The following STXBP5L variants were observed in gnomAD, a reference collection of about 807,000 sequenced individuals.
STXBP5L encodes the protein syntaxin-binding protein 5-like.
In STXBP5L, 65 loss-of-function variants were observed where a neutral mutation model predicts 144.5. That is an observed-to-expected ratio of 0.45 (90% CI 0.37 to 0.55). The LOEUF (loss-of-function observed/expected upper bound fraction) is 0.55, where lower values mean the gene tolerates loss of function less well. STXBP5L is among the 20% of genes least tolerant of loss of function. The pLI, the probability that STXBP5L is intolerant of heterozygous loss-of-function variation, is 0.00. For missense variants in STXBP5L, 1,298 were observed against 1,405.5 expected (o/e 0.92, Z 1.22); for synonymous variants, 505 against 469.6 (o/e 1.08, Z -0.97).
intron 15 of STXBP5L, among the ~76,000 whole-genome samples, chr3:121,253,568 C>G (rs2108369643): frequency 6.9e-6 from 1 of 144,206 alleles, no homozygotes; most frequent in South Asian, 2.1e-4. Context: ...TTTTATTCAG[C>G]TTTTGCAAAT....
chr3:121,320,616 T>G (rs556094551), intron 20 of STXBP5L, among the ~76,000 whole-genome samples: 1 of 152,194 alleles, frequency 6.6e-6, no homozygotes, highest in Admixed American at 6.6e-5. Flanking sequence ...AGATATGCTG[T>G]TTTTAGCCCT....
intron 7 of STXBP5L, among the ~76,000 whole-genome samples, chr3:121,142,118 T>C (rs2045533350): frequency 1.3e-5 from 2 of 152,074 alleles, no homozygotes; most frequent in African/African-American, 4.8e-5. Flanking sequence ...GAGGGATGGC[T>C]ATTATTATTG....
At chr3:121,374,705 C>T (rs1560034057) in intron 20 of STXBP5L, among the ~76,000 whole-genome samples, 2 of 151,690 alleles carry the variant, frequency 1.3e-5, no homozygotes, top group South Asian at 4.2e-4. Flanking sequence ...CTAGGCCAAG[C>T]AGAAGAAAGA....
At chr3:121,084,034 C>T (rs2042375276) in intron 5 of STXBP5L, among the ~76,000 whole-genome samples, 1 of 151,818 alleles carries the variant, frequency 6.6e-6, no homozygotes, top group African/African-American at 2.4e-5. Flanking sequence ...AAGGAAACTG[C>T]TTTGTCATTC....
intron 5 of STXBP5L, among the ~76,000 whole-genome samples, chr3:121,098,145 G>GT (rs2043225326): frequency 6.6e-6 from 1 of 152,132 alleles, no homozygotes; most frequent in East Asian, 1.9e-4. Flanking sequence ...ATCTTGATAT[G>GT]TTTTTTAGAG....
intron 11 of STXBP5L, among the ~76,000 whole-genome samples, chr3:121,231,266 C>G (rs537079438): frequency 1.3e-5 from 2 of 152,214 alleles, no homozygotes; most frequent in African/African-American, 4.8e-5. Flanking sequence ...CCAAGAGCCA[C>G]AGCAAGCAGC....
intron 19 of STXBP5L, among the ~76,000 whole-genome samples, chr3:121,317,508 G>C (rs2043825005): frequency 6.6e-6 from 1 of 152,176 alleles, no homozygotes; most frequent in Admixed American, 6.5e-5. Context: ...ATAAAGAAGA[G>C]GGTGATGGGA....
chr3:121,242,221 AG>A (rs1168738063), intron 14 of STXBP5L, among the ~76,000 whole-genome samples: 3 of 152,188 alleles, frequency 2.0e-5, no homozygotes, highest in African/African-American at 7.2e-5. Context: ...CAATAATAAA[AG>A]TATGGATAAA....
chr3:121,404,388 A>C (rs1279572116), intron 22 of STXBP5L, among the ~76,000 whole-genome samples: 1 of 152,034 alleles, frequency 6.6e-6, no homozygotes, highest in Non-Finnish European at 1.5e-5. Context: ...ACACTAATAC[A>C]CTAACCTCTT....
chr3:121,060,679 C>T (rs1401613888), intron 5 of STXBP5L, among the ~76,000 whole-genome samples: 1 of 152,192 alleles, frequency 6.6e-6, no homozygotes, highest in Non-Finnish European at 1.5e-5. Context: ...AGGGATTCGA[C>T]TTCTTCCTAG....
At chr3:121,215,619 C>A (rs949469835) in intron 10 of STXBP5L, among the ~76,000 whole-genome samples, 1 of 152,186 alleles carries the variant, frequency 6.6e-6, no homozygotes, top group East Asian at 1.9e-4. Context: ...ACCTTTCTCT[C>A]TGGCTGCCCT....
chr3:121,137,904 A>G (rs185582898), intron 7 of STXBP5L, among the ~76,000 whole-genome samples: 24 of 152,280 alleles, frequency 1.6e-4, no homozygotes, highest in African/African-American at 5.1e-4. Flanking sequence ...AGTCCTATAC[A>G]ACATAATACT....
chr3:121,395,680 T>C (rs2046710500), intron 22 of STXBP5L, among the ~76,000 whole-genome samples: 1 of 152,242 alleles, frequency 6.6e-6, no homozygotes, highest in Non-Finnish European at 1.5e-5. Flanking sequence ...AGTATAATTG[T>C]TCTCTGTGTC....
intron 20 of STXBP5L, among the ~76,000 whole-genome samples, chr3:121,346,069 G>A (rs1330283642): frequency 6.6e-6 from 1 of 151,468 alleles, no homozygotes; most frequent in Admixed American, 6.6e-5. Flanking sequence ...TCATCATTTA[G>A]CATTAGGTAT....
rs181511708 is a variant in STXBP5L at position 121,131,884 on chromosome 3, C to T, written c.669+10180C>T. Reference sequence around the variant, plus strand: ...ACAATGTAATTGAAAAGTTTCTGAACCCCAGGAGAACATGAAACCAGATTC... The same window carrying T: ...ACAATGTAATTGAAAAGTTTCTGAATCCCAGGAGAACATGAAACCAGATTC... On this transcript the variant is annotated intron_variant, in intron 7 of 26. Coordinates refer to ENST00000471454, the MANE Select transcript of STXBP5L (RefSeq NM_001308330.2). Among the ~76,000 whole-genome samples the T allele has an allele frequency of 1.8e-3, 268 of 152,232 alleles. 1 individual carries two copies. The highest frequency in any genetic ancestry group is 2.8e-3 in the Non-Finnish European group (190 of 68,016).
intron 20 of STXBP5L, among the ~76,000 whole-genome samples, chr3:121,374,147 C>T (rs1012038474): frequency 6.6e-6 from 1 of 152,116 alleles, no homozygotes; most frequent in Non-Finnish European, 1.5e-5. Flanking sequence ...ACCACAGCCT[C>T]CAAAAACAAC....
chr3:121,419,826 G>A lies in STXBP5L; in HGVS notation c.*729G>A, dbSNP rs966910310. 1.3e-5 allele frequency: 2 copies of A among 152,212 alleles called. No individual in the cohort carries two copies. Among genetic ancestry groups the A allele is most frequent in the African/African-American group, 4.8e-5 (2 of 41,446 alleles). 9.4% of individuals were successfully genotyped at this position (152,212 alleles called of 1,614,324 possible). On this transcript the variant is annotated 3_prime_UTR_variant, in exon 27 of 27. Transcript: ENST00000471454. ...ATCAGTTTCATTTCTATCACCTTCA[G>A]AATGGGTTGCTGTTTTTAGCACAAA...
At chr3:121,325,090 A>G (rs1158770980) in intron 20 of STXBP5L, among the ~76,000 whole-genome samples, 1 of 152,030 alleles carries the variant, frequency 6.6e-6, no homozygotes, top group African/African-American at 2.4e-5. Flanking sequence ...AATTTTATGC[A>G]GTCTTTGACA....
intron 9 of STXBP5L, chr3:121,157,903 A>C (rs2046178767): frequency 1.3e-5 from 4 of 307,888 alleles, no homozygotes; most frequent in Non-Finnish European, 2.4e-5. Flanking sequence ...TATCTGGGGC[A>C]GAGGAGATAA....
Sources: allele counts gnomAD v4.1 joint callset (sites outside exome capture counted in the v4.1 genomes callset), GRCh38; gene constraint gnomAD v4.1.1; transcripts MANE v1.5; gene names NCBI Gene and HGNC (gene_info 2026-07-23, HGNC 2026-07-21).